The following CORO2B variants were observed in gnomAD, a reference collection of about 807,000 sequenced individuals.
CORO2B encodes coronin 2B.
A neutral mutation model predicts 58.8 loss-of-function variants in CORO2B; 26 were observed. The observed-to-expected ratio is 0.44, with a 90% CI of 0.32 to 0.61. The LOEUF (loss-of-function observed/expected upper bound fraction) is 0.61. CORO2B is among the 20% of genes least tolerant of loss of function. The pLI, the probability that CORO2B is intolerant of heterozygous loss-of-function variation, is 0.04. For synonymous variants in CORO2B, 242 were observed against 253.8 expected, an observed-to-expected ratio of 0.95 and a Z score of 0.44; for missense variants, 460 against 645.1, an observed-to-expected ratio of 0.71 and a Z score of 3.11.
rs1315969120 is a variant in CORO2B at position 68,727,717 on chromosome 15, T to C, written c.*1743T>C. On this transcript the variant is annotated 3_prime_UTR_variant, in exon 12 of 12. Transcript: ENST00000261861. The stretch of plus-strand genomic sequence containing the variant: ...CCCACATTTCTGGAGCTTTTTTTTT[T>C]CCTTCCCCATTGACCTTTGTGGTCT... 6.6e-6 allele frequency: 1 copy of C among 152,554 alleles called. No homozygotes were observed. Among genetic ancestry groups the C allele is most frequent in the Non-Finnish European group, 1.5e-5 (1 of 68,038 alleles). 9.5% of individuals were successfully genotyped at this position (152,554 alleles called of 1,614,324 possible). A position where few individuals can be genotyped will look rare whatever the true frequency, so the allele number is the denominator to read the frequency against.
chr15:68,717,833 T>G (rs1246413821), intron 8 of CORO2B, among the ~76,000 whole-genome samples: 1 of 152,178 alleles, frequency 6.6e-6, no homozygotes, highest in Non-Finnish European at 1.5e-5. Flanking sequence ...TAACTCATAT[T>G]CACAATACAG....
chr15:68,541,969 T>C, the CORO2B span, among the ~76,000 whole-genome samples: 2 of 152,290 alleles, frequency 1.3e-5, no homozygotes, highest in African/African-American at 2.4e-5. Flanking sequence ...CCCGCCTGTG[T>C]TCCTTCTCCC....
At chr15:68,631,099 G>A (rs1900814699) in intron 1 of CORO2B, among the ~76,000 whole-genome samples, 1 of 152,134 alleles carries the variant, frequency 6.6e-6, no homozygotes, top group African/African-American at 2.4e-5. Flanking sequence ...GCAGGTACGA[G>A]TCCAGTCAGC....
chr15:68,557,689 T>C, the CORO2B span, among the ~76,000 whole-genome samples: 1 of 152,238 alleles, frequency 6.6e-6, no homozygotes, highest in Non-Finnish European at 1.5e-5. Context: ...CCATTCATTA[T>C]CCCTTTGAAG....
At chr15:68,527,629 C>T in the CORO2B span, among the ~76,000 whole-genome samples, 1 of 152,060 alleles carries the variant, frequency 6.6e-6, no homozygotes, top group Non-Finnish European at 1.5e-5. Flanking sequence ...TTTTCTTTTT[C>T]AAAATTGTTG....
chr15:68,585,147 A>G (rs918403207), intron 1 of CORO2B, among the ~76,000 whole-genome samples: 7 of 152,110 alleles, frequency 4.6e-5, no homozygotes, highest in African/African-American at 9.7e-5. Flanking sequence ...GAATACATAC[A>G]TGGGTTACTT....
At chr15:68,668,395 G>T (rs1257609190) in intron 2 of CORO2B, among the ~76,000 whole-genome samples, 1 of 147,422 alleles carries the variant, frequency 6.8e-6, no homozygotes, top group Non-Finnish European at 1.5e-5. Flanking sequence ...GAACAAGGGC[G>T]CAAACAGTCG....
intron 11 of CORO2B, among the ~76,000 whole-genome samples, chr15:68,721,480 T>A (rs1596040506): frequency 2.0e-5 from 3 of 151,664 alleles, no homozygotes; most frequent in Non-Finnish European, 4.4e-5. Context: ...CCAAGGCGGG[T>A]GGATCACCTG....
In CORO2B at chr15:68,703,336, A is replaced by C. The variant is rs534738106; in HGVS notation, c.334-7396A>C. Among the ~76,000 whole-genome samples, 7 of 150,848 alleles carry C rather than the reference A, an allele frequency of 4.6e-5. No individual in the cohort carries two copies. In the South Asian group the frequency reaches 1.5e-3, roughly 32 times the overall value. On this transcript the variant is annotated intron_variant, in intron 3 of 11. Transcript: ENST00000261861. The stretch of plus-strand genomic sequence containing the variant: ...CAGTTAATTTTTGTATTTTTAGTAA[A>C]GACAGGGTTTCACCATGTTGGCCAG...
chr15:68,531,546 AGG>A, the CORO2B span, among the ~76,000 whole-genome samples: 1,032 of 68,630 alleles, frequency 0.015, 18 homozygotes, highest in African/African-American at 0.04. Context: ...GAAGGAAGGA[AGG>A]AAGGAAGGAA....
At chr15:68,584,619 G>A (rs897829060) in intron 1 of CORO2B, among the ~76,000 whole-genome samples, 2 of 152,200 alleles carry the variant, frequency 1.3e-5, no homozygotes, top group African/African-American at 4.8e-5. Context: ...CACCCGGGCA[G>A]CCCTGACTCT....
intron 1 of CORO2B, among the ~76,000 whole-genome samples, chr15:68,616,968 C>T (rs142935040): frequency 6.6e-6 from 1 of 152,324 alleles, no homozygotes; most frequent in Non-Finnish European, 1.5e-5. Flanking sequence ...AGTTTACAAA[C>T]ACTAGGTATT....
intron 2 of CORO2B, among the ~76,000 whole-genome samples, chr15:68,679,384 T>C (rs1902699616): frequency 1.3e-5 from 2 of 151,968 alleles, no homozygotes; most frequent in Non-Finnish European, 2.9e-5. Context: ...TGTACAAAGA[T>C]GGGTTAGACA....
At chr15:68,687,535 G>C (rs1903025413) in intron 2 of CORO2B, among the ~76,000 whole-genome samples, 1 of 152,192 alleles carries the variant, frequency 6.6e-6, no homozygotes, top group African/African-American at 2.4e-5. Flanking sequence ...GCCTTTCCAA[G>C]GGAGGGCCCG....
At chr15:68,694,715 G>C (rs1892467945) in intron 2 of CORO2B, among the ~76,000 whole-genome samples, 1 of 152,188 alleles carries the variant, frequency 6.6e-6, no homozygotes, top group Non-Finnish European at 1.5e-5. Flanking sequence ...GGGAGAGTAG[G>C]TACACCCAGC....
chr15:68,596,778 G>A (rs956792861), intron 1 of CORO2B, among the ~76,000 whole-genome samples: 12 of 152,124 alleles, frequency 7.9e-5, no homozygotes, highest in Non-Finnish European at 1.8e-4. Flanking sequence ...GAGTCTTCCC[G>A]GAGCTCCTGG....
chr15:68,581,254 C>T (rs994607299), intron 1 of CORO2B, among the ~76,000 whole-genome samples: 5 of 152,306 alleles, frequency 3.3e-5, no homozygotes, highest in African/African-American at 1.2e-4. Context: ...TCGCTCACCT[C>T]CTGCTCTAAC....
chr15:68,650,798 T>C (rs1901617410), intron 2 of CORO2B, among the ~76,000 whole-genome samples: 1 of 152,172 alleles, frequency 6.6e-6, no homozygotes, highest in African/African-American at 2.4e-5. Flanking sequence ...ATAGAGGCAA[T>C]TCGCTGATGT....
In CORO2B at chr15:68,686,720, G is replaced by A. The variant is rs1323232395; in HGVS notation, c.217-8420G>A. ...TCAAGACCAGCCTGATCGACATGGT[G>A]AAACCCCGTCTCTACTAAAAATACA... On this transcript the variant is annotated intron_variant, in intron 2 of 11. Transcript: ENST00000261861. 2.6e-5 allele frequency among the ~76,000 whole-genome samples: 4 copies of A among 152,116 alleles called. No homozygotes were observed. The East Asian group carries it at 7.8e-4, about 30-fold the overall frequency.
Sources: gnomAD v4.1 joint callset for allele counts (sites outside exome capture counted in the v4.1 genomes callset) on GRCh38, gnomAD v4.1.1 for gene constraint, MANE v1.5 for transcripts, NCBI Gene and HGNC (gene_info 2026-07-23, HGNC 2026-07-21) for gene names.